CASS4: variants seen among roughly 807,000 people sequenced by gnomAD.
CASS4 encodes cas scaffolding protein family member 4.
CASS4 carries 22 observed loss-of-function variants against 54.2 expected under a neutral mutation model. The ratio of observed to expected loss-of-function variants is 0.41; its 90% CI spans 0.29 to 0.58. The LOEUF is 0.58. Among genes scored for constraint, CASS4 ranks in the 20% least tolerant of loss-of-function variants. The pLI, the probability that CASS4 is intolerant of heterozygous loss-of-function variation, is 0.36. For synonymous variants in CASS4, 409 were observed against 391.5 expected (o/e 1.04, Z -0.53); for missense variants, 854 against 986.7 (o/e 0.87, Z 1.80).
At chr20:56,425,298 C>T (rs1319524463) in intron 1 of CASS4, among the ~76,000 whole-genome samples, 1 of 152,240 alleles carries the variant, frequency 6.6e-6, no homozygotes. Context: ...ACTTCTGTGA[C>T]TCTTAATGCA....
At chr20:56,448,351 T>C (rs1054521262) in intron 3 of CASS4, among the ~76,000 whole-genome samples, 1 of 152,160 alleles carries the variant, frequency 6.6e-6, no homozygotes, top group African/African-American at 2.4e-5. Context: ...GCCCTCTTAA[T>C]GTTGTGCCCA....
Position 56,412,366 on chromosome 20 carries a change from C to A in CASS4, c.-93C>A. Reference sequence around the variant, plus strand: ...CTCCATAGAATTCAGTTTCTGAGAACCAGCCAGAAGCATGCAGTGACATTG... The same window carrying A: ...CTCCATAGAATTCAGTTTCTGAGAAACAGCCAGAAGCATGCAGTGACATTG... On this transcript the variant is annotated 5_prime_UTR_variant, in exon 1 of 6. Coordinates refer to ENST00000679887, the MANE Select transcript of CASS4 (RefSeq NM_020356.4). This position sits in a 1 kb window ranked among gnomAD's most constrained non-coding sequence, Gnocchi z 4.2. 7.3e-7 allele frequency: 1 copy of A among 1,376,346 alleles called. No homozygotes were observed. Among genetic ancestry groups the A allele is most frequent in the East Asian group, 2.4e-5 (1 of 41,212 alleles). The allele number at this position is 1,376,346 out of a possible 1,614,324, so 85.3% of individuals were successfully genotyped here. A position where few individuals can be genotyped will look rare whatever the true frequency, so the allele number is the denominator to read the frequency against.
intron 1 of CASS4, among the ~76,000 whole-genome samples, chr20:56,434,688 GC>G (rs1453520815): frequency 6.6e-6 from 1 of 150,564 alleles, no homozygotes; most frequent in Non-Finnish European, 1.5e-5. Context: ...CTCATCATCT[GC>G]CCCCTCGGCC....
chr20:56,449,872 A>C (rs1389783789), intron 3 of CASS4, among the ~76,000 whole-genome samples: 1 of 152,114 alleles, frequency 6.6e-6, no homozygotes, highest in Non-Finnish European at 1.5e-5. Context: ...ATAAAACAGG[A>C]AAATTTCTAC....
At chr20:56,428,920 C>T (rs1026056319) in intron 1 of CASS4, among the ~76,000 whole-genome samples, 4 of 149,236 alleles carry the variant, frequency 2.7e-5, no homozygotes, top group African/African-American at 1.0e-4. Flanking sequence ...GTGTACCCCC[C>T]GACCTGCCCC....
chr20:56,445,452 C>G (rs972188650), intron 2 of CASS4, among the ~76,000 whole-genome samples: 3 of 152,178 alleles, frequency 2.0e-5, no homozygotes, highest in African/African-American at 7.2e-5. Context: ...CTGCCTATTG[C>G]GTGCACTTCT....
intron 5 of CASS4, among the ~76,000 whole-genome samples, chr20:56,457,973 C>T (rs1981377321): frequency 6.9e-6 from 1 of 145,468 alleles, no homozygotes; most frequent in African/African-American, 2.5e-5. Context: ...TGAGATTGCA[C>T]CATTGCACTC....
chr20:56,457,265 G>T (rs948177837), intron 5 of CASS4, among the ~76,000 whole-genome samples: 1 of 152,158 alleles, frequency 6.6e-6, no homozygotes, highest in Non-Finnish European at 1.5e-5. Context: ...AAATGCGAGC[G>T]TGTGAAATTT....
Position 56,452,451 on chromosome 20 carries a change from C to T in CASS4, c.1275C>T (p.Ser425=). 1 of 1,613,876 alleles carries T rather than the reference C, an allele frequency of 6.2e-7. No individual in the cohort carries two copies. Among genetic ancestry groups the T allele is most frequent in the Non-Finnish European group, 8.5e-7 (1 of 1,179,864 alleles). Residue 425 remains serine (S), a synonymous_variant, in exon 5 of 6, where the codon TCC becomes TCT. Transcript: ENST00000679887. ...TTSTDDSSSS[S]SEESAKELSL... is the part of the protein sequence containing the mutation. The stretch of plus-strand genomic sequence containing the variant: ...CCACCGACGACTCCTCCAGCTCTTC[C>T]TCGGAGGAGTCAGCAAAGGAGCTCT...
chr20:56,452,979 C>T lies in CASS4; in HGVS notation c.1803C>T (p.Thr601=). ...AAAAGGAAGAGACTGTGCAGTTGAC[C>T]CCAAATGCAGAATTTAAGTGTGAAA... ...NCEKEETVQL[T]PNAEFKCEKY... The change falls in exon 5 of 6, where the codon ACC becomes ACT. Residue 601 remains threonine, a synonymous_variant. Transcript: ENST00000679887. 1 of 1,613,916 alleles carries T rather than the reference C, an allele frequency of 6.2e-7. No homozygotes were observed. The highest frequency in any genetic ancestry group is 8.5e-7 in the Non-Finnish European group (1 of 1,179,980).
rs1174536969 is a variant in CASS4, at chr20:56,452,414, G to A, written c.1238G>A (p.Cys413Tyr). Reference sequence around the variant, plus strand: ...AGCAGAGCTAGCATCGTTTCCTCGTGCTCCACCACATCCACCGACGACTCC... The same window carrying A: ...AGCAGAGCTAGCATCGTTTCCTCGTACTCCACCACATCCACCGACGACTCC... ...SDSRASIVSS[C>Y]STTSTDDSSS... The change falls in exon 5 of 6, where the codon TGC becomes TAC. Residue 413 changes from cysteine to tyrosine, a missense_variant. Coordinates refer to ENST00000679887, the MANE Select transcript of CASS4 (RefSeq NM_020356.4). The A allele has an allele frequency of 1.2e-6, 2 of 1,614,028 alleles. No individual in the cohort carries two copies. The highest frequency in any genetic ancestry group is 2.2e-5 in the South Asian group (2 of 91,074).
chr20:56,430,716 C>T lies in CASS4; in HGVS notation c.37-6448C>T, dbSNP rs1015610486. Among the ~76,000 whole-genome samples the T allele has an allele frequency of 6.6e-6, 1 of 152,136 alleles. No homozygotes were observed. Among genetic ancestry groups the T allele is most frequent in the African/African-American group, 2.4e-5 (1 of 41,448 alleles). ...CCTGACCATAACAGCCTGAGCCCAG[C>T]CAAAAGTGGGGTGGTCAGGGGCAGC... On this transcript the variant is annotated intron_variant, in intron 1 of 5. Transcript: ENST00000679887. The surrounding 1 kb of genome is among the most constrained non-coding windows in gnomAD (Gnocchi z 4.2).
chr20:56,456,148 G>T lies in CASS4; in HGVS notation c.1954-2192G>T, dbSNP rs1042527486. On this transcript the variant is annotated intron_variant, in intron 5 of 5. Coordinates refer to ENST00000679887, the MANE Select transcript of CASS4 (RefSeq NM_020356.4). The stretch of plus-strand genomic sequence containing the variant: ...AGGCCCGGGGCACCGTTGGCCACCG[G>T]GTGGACAGTTCTCCATTGCGTGGTG... 5.3e-5 allele frequency among the ~76,000 whole-genome samples: 8 copies of T among 152,008 alleles called. No homozygotes were observed. The East Asian group carries it at 1.6e-3, about 29-fold the overall frequency.
intron 2 of CASS4, among the ~76,000 whole-genome samples, chr20:56,445,166 A>G (rs1157638629): frequency 6.6e-6 from 1 of 151,746 alleles, no homozygotes; most frequent in Non-Finnish European, 1.5e-5. Context: ...CATCCTTTGT[A>G]GGACAAAATT....
rs1053699865 is a variant in CASS4, at chr20:56,437,187, T to C, written c.60T>C (p.Tyr20=). The C allele has an allele frequency of 6.4e-7, 1 of 1,568,254 alleles. No homozygotes were observed. The highest frequency in any genetic ancestry group is 8.7e-7 in the Non-Finnish European group (1 of 1,153,774). ...APKALLARAL[Y]DNCPDCSDEL... Reference sequence around the variant, plus strand: ...AGGCACTCCTGGCCAGGGCACTTTATGACAACTGCCCTGACTGCTCTGACG... The same window carrying C: ...AGGCACTCCTGGCCAGGGCACTTTACGACAACTGCCCTGACTGCTCTGACG... Residue 20 remains tyrosine, a synonymous_variant, in exon 2 of 6, where the codon TAT becomes TAC. Transcript: ENST00000679887. This position sits in a 1 kb window ranked among gnomAD's most constrained non-coding sequence, Gnocchi z 4.7.
In CASS4 at chr20:56,458,524, G is replaced by C. The variant is rs751266001; in HGVS notation, c.2138G>C (p.Gly713Ala). The C allele has an allele frequency of 6.2e-7, 1 of 1,614,222 alleles. No homozygotes were observed. The highest frequency in any genetic ancestry group is 8.5e-7 in the Non-Finnish European group (1 of 1,180,056). ...ITQSKLVIMVGQKLVDTLCME... is the reference protein window; with the variant it reads ...ITQSKLVIMVAQKLVDTLCME... Reference sequence around the variant, plus strand: ...CAGAGCAAGCTGGTCATCATGGTGGGACAGAAGCTGGTGGACACGCTGTGC... The same window carrying C: ...CAGAGCAAGCTGGTCATCATGGTGGCACAGAAGCTGGTGGACACGCTGTGC... The change falls in exon 6 of 6, where the codon GGA (glycine) becomes GCA (alanine). Residue 713 changes from glycine to alanine, a missense_variant. Coordinates refer to ENST00000679887, the MANE Select transcript of CASS4 (RefSeq NM_020356.4).
intron 1 of CASS4, among the ~76,000 whole-genome samples, chr20:56,434,896 A>G (rs771053008): frequency 6.6e-6 from 1 of 152,228 alleles, no homozygotes; most frequent in Non-Finnish European, 1.5e-5. Flanking sequence ...AAACCGAAGG[A>G]TTAACAGCAG....
rs146156375 is a variant in CASS4, at chr20:56,458,542, C to T, written c.2156C>T (p.Thr719Met). Residue 719 changes from threonine to methionine, a missense_variant, in exon 6 of 6, where the codon ACG becomes ATG. Thr to Met is a moderately conservative substitution (Grantham distance 81, BLOSUM62 -1). Transcript: ENST00000679887. ...VIMVGQKLVD[T>M]LCMETQERDV... ...ATGGTGGGACAGAAGCTGGTGGACACGCTGTGCATGGAGACCCAGGAGAGG... is the reference window on the plus strand; with the variant it reads ...ATGGTGGGACAGAAGCTGGTGGACATGCTGTGCATGGAGACCCAGGAGAGG... 2.4e-5 allele frequency: 39 copies of T among 1,614,094 alleles called. No homozygotes were observed. The Admixed American group carries it at 4.5e-4, about 19-fold the overall frequency.
intron 2 of CASS4, 112 bp from the exon 3 acceptor site, chr20:56,445,788 C>A: frequency 1.2e-6 from 1 of 822,480 alleles, no homozygotes; most frequent in East Asian, 2.7e-5. Context: ...CGGGCGACCC[C>A]TTCAGCAGTA....
Sources: allele counts gnomAD v4.1 joint callset (sites outside exome capture counted in the v4.1 genomes callset), GRCh38; gene constraint gnomAD v4.1.1; non-coding constraint Gnocchi (gnomAD v3.1); transcripts MANE v1.5; gene names NCBI Gene and HGNC (gene_info 2026-07-23, HGNC 2026-07-21).